Variants in COLQ observed in about 807,000 individuals in gnomAD.
COLQ encodes the protein collagen like tail subunit of asymmetric acetylcholinesterase.
In COLQ, 48 loss-of-function variants were observed where a neutral mutation model predicts 69.0. The observed-to-expected ratio is 0.70, with a 90% CI of 0.55 to 0.88. The LOEUF (loss-of-function observed/expected upper bound fraction) is 0.88. Ranked by LOEUF, COLQ falls within the 40% of genes least tolerant of loss-of-function variation. The pLI, the probability that COLQ is intolerant of heterozygous loss-of-function variation, is 0.00. For missense variants in COLQ, 618 were observed against 594.6 expected, an observed-to-expected ratio of 1.04 and a Z score of -0.41; for synonymous variants, 217 against 211.2, an observed-to-expected ratio of 1.03 and a Z score of -0.24.
chr3:15,500,669 C>T (rs1212011755), intron 1 of COLQ, among the ~76,000 whole-genome samples: 2 of 152,282 alleles, frequency 1.3e-5, no homozygotes, highest in East Asian at 3.9e-4. Flanking sequence ...TCTCCTTCTG[C>T]TACTCTCTTT....
chr3:15,466,613 A>G (rs147636628), intron 11 of COLQ, among the ~76,000 whole-genome samples, 176 bp from the exon 12 acceptor site: 101 of 152,200 alleles, frequency 6.6e-4, no homozygotes, highest in African/African-American at 2.3e-3. Context: ...GTGACATTTG[A>G]GATAGTGATG....
In COLQ at chr3:15,493,860, G is replaced by A. The variant is rs369490988; in HGVS notation, c.107-4223C>T. 5.3e-5 allele frequency among the ~76,000 whole-genome samples: 8 copies of A among 152,348 alleles called. No homozygotes were observed. In the South Asian group the frequency reaches 6.2e-4, roughly 12 times the overall value. ...ACACTTTGGGAGGCTGAGGTGGGCA[G>A]ATCACTTGAGGTCAGGAGTTCAAGA... On this transcript the variant is annotated intron_variant, in intron 1 of 16. Transcript: ENST00000383788.
In COLQ at chr3:15,451,433, G is replaced by GTT. The variant is rs138019222; in HGVS notation, c.*209_*210dup. ...AGGTCTCAGGTTGGGCATGTGGAAG[G>GTT]TTTTCCAGTACCTTGGATTAAGACA... On this transcript the variant is annotated 3_prime_UTR_variant, in exon 17 of 17. Coordinates refer to ENST00000383788, the MANE Select transcript of COLQ (RefSeq NM_005677.4). 3.8e-4 allele frequency: 264 copies of GTT among 687,372 alleles called. No homozygotes were observed. The African/African-American group carries it at 4.2e-3, about 11-fold the overall frequency. 42.6% of individuals were successfully genotyped at this position (687,372 alleles called of 1,614,324 possible).
At chr3:15,497,613 C>T (rs2125155731) in intron 1 of COLQ, among the ~76,000 whole-genome samples, 1 of 152,316 alleles carries the variant, frequency 6.6e-6, no homozygotes, top group South Asian at 2.1e-4. Context: ...CTGTTCTGCA[C>T]CTGCCTGTCC....
chr3:15,513,316 G>A (rs2063011771), intron 1 of COLQ, among the ~76,000 whole-genome samples: 1 of 152,164 alleles, frequency 6.6e-6, no homozygotes, highest in Non-Finnish European at 1.5e-5. Flanking sequence ...ACTATCTATA[G>A]CAGAGGACAC....
intron 6 of COLQ, among the ~76,000 whole-genome samples, chr3:15,475,845 C>T (rs915587872): frequency 1.3e-5 from 2 of 152,106 alleles, no homozygotes; most frequent in Non-Finnish European, 2.9e-5. Context: ...GGTGTCAATA[C>T]ACGCAAAAAA....
intron 1 of COLQ, among the ~76,000 whole-genome samples, chr3:15,515,429 G>A (rs982644268): frequency 2.6e-5 from 4 of 152,180 alleles, no homozygotes; most frequent in Non-Finnish European, 5.9e-5. Context: ...AGTTGTGAAA[G>A]TGCTTTGTAA....
intron 1 of COLQ, among the ~76,000 whole-genome samples, chr3:15,513,964 T>C (rs547994807): frequency 6.6e-6 from 1 of 152,290 alleles, no homozygotes; most frequent in Admixed American, 6.5e-5. Context: ...AGGGTCATTA[T>C]AAGAGACAGG....
intron 1 of COLQ, among the ~76,000 whole-genome samples, chr3:15,497,286 C>T (rs948345378): frequency 4.6e-5 from 7 of 152,012 alleles, no homozygotes; most frequent in South Asian, 4.1e-4. Flanking sequence ...TCAGGTGATC[C>T]GCCCACCTCA....
At chr3:15,466,889 C>G (rs1319666546) in intron 11 of COLQ, among the ~76,000 whole-genome samples, 2 of 152,172 alleles carry the variant, frequency 1.3e-5, no homozygotes, top group Non-Finnish European at 2.9e-5. Flanking sequence ...GTCTATTATC[C>G]CCCTTCTCAA....
chr3:15,466,276 G>T, intron 12 of COLQ, 65 bp downstream of exon 12: 2 of 1,142,040 alleles, frequency 1.8e-6, no homozygotes, highest in Non-Finnish European at 2.7e-6. Context: ...GCATCTCCTT[G>T]TGCCCTCTCT....
chr3:15,469,241 G>T (rs779778071), intron 11 of COLQ, among the ~76,000 whole-genome samples: 1 of 152,134 alleles, frequency 6.6e-6, no homozygotes, highest in Non-Finnish European at 1.5e-5. Flanking sequence ...GCAGGCTCAA[G>T]AAATGGCCTT....
intron 1 of COLQ, among the ~76,000 whole-genome samples, chr3:15,501,943 G>A (rs964222882): frequency 4.6e-5 from 7 of 152,112 alleles, no homozygotes; most frequent in Admixed American, 1.3e-4. Flanking sequence ...TAAACCTATT[G>A]CAATAGTCTT....
intron 10 of COLQ, among the ~76,000 whole-genome samples, chr3:15,471,379 C>T (rs1575472216): frequency 6.6e-6 from 1 of 152,224 alleles, no homozygotes; most frequent in Non-Finnish European, 1.5e-5. Flanking sequence ...GCCAATATTT[C>T]ACAAAACTCA....
At chr3:15,460,489 T>A (rs1266816046) in intron 12 of COLQ, among the ~76,000 whole-genome samples, 2 of 152,138 alleles carry the variant, frequency 1.3e-5, no homozygotes, top group East Asian at 3.9e-4. Flanking sequence ...CAGTATGACA[T>A]CTGGGGCAGC....
chr3:15,501,205 T>A (rs937018377), intron 1 of COLQ, among the ~76,000 whole-genome samples: 3 of 152,194 alleles, frequency 2.0e-5, no homozygotes, highest in African/African-American at 7.2e-5. Flanking sequence ...ACATTCACAG[T>A]ATTTTGTCTT....
At chr3:15,467,898 A>T (rs545750001) in intron 11 of COLQ, 26 of 456,692 alleles carry the variant, frequency 5.7e-5, no homozygotes, top group South Asian at 3.7e-4. Context: ...ATGTGCAAGG[A>T]GTTCTTGAAC....
At chr3:15,491,990 G>A (rs907500049) in intron 1 of COLQ, among the ~76,000 whole-genome samples, 4 of 151,992 alleles carry the variant, frequency 2.6e-5, no homozygotes, top group Non-Finnish European at 5.9e-5. Flanking sequence ...CCTGGGAGAT[G>A]GAGGTTGCAG....
At chr3:15,467,241 T>A (rs948833400) in intron 11 of COLQ, among the ~76,000 whole-genome samples, 2 of 152,240 alleles carry the variant, frequency 1.3e-5, no homozygotes, top group Non-Finnish European at 2.9e-5. Flanking sequence ...GCTTTGCTGA[T>A]CTGTAAATCC....
Sources: gnomAD v4.1 joint callset for allele counts (sites outside exome capture counted in the v4.1 genomes callset) on GRCh38, gnomAD v4.1.1 for gene constraint, MANE v1.5 for transcripts, NCBI Gene and HGNC (gene_info 2026-07-23, HGNC 2026-07-21) for gene names.